The following GLI2 variants were observed in gnomAD, a reference collection of about 807,000 sequenced individuals.
GLI2 encodes GLI family zinc finger 2, also known as transcription activator GLI2.
In GLI2, 22 loss-of-function variants were observed where a neutral mutation model predicts 78.9. The ratio of observed to expected loss-of-function variants is 0.28; its 90% confidence interval spans 0.20 to 0.40. The LOEUF is 0.40. Among genes scored for constraint, GLI2 ranks in the 10% least tolerant of loss-of-function variants. The pLI, the probability that GLI2 is intolerant of heterozygous loss-of-function variation, is 1.00. For missense variants in GLI2, 2,097 were observed against 2,213.2 expected, an observed-to-expected ratio of 0.95 and a Z score of 1.05; for synonymous variants, 974 against 963.7, an observed-to-expected ratio of 1.01 and a Z score of -0.20.
intron 2 of GLI2, among the ~76,000 whole-genome samples, chr2:120,925,534 A>G (rs1310472656): frequency 6.6e-6 from 1 of 152,252 alleles, no homozygotes; most frequent in Non-Finnish European, 1.5e-5. Context: ...CCTTGAGGAC[A>G]TTATGCGAAG....
At chr2:120,780,401 C>T (rs1344729100) in intron 1 of GLI2, among the ~76,000 whole-genome samples, 1 of 152,136 alleles carries the variant, frequency 6.6e-6, no homozygotes, top group Non-Finnish European at 1.5e-5. Context: ...GGACCCTTGC[C>T]CAGTGTGAAA....
intron 1 of GLI2, among the ~76,000 whole-genome samples, chr2:120,755,264 C>G (rs770666428): frequency 3.3e-5 from 5 of 152,166 alleles, no homozygotes; most frequent in Non-Finnish European, 7.3e-5. Context: ...GTAATACTTG[C>G]AATAGTTAGT....
rs529721612 is a variant in GLI2 at position 120,821,847 on chromosome 2, G to T, written c.148+24379G>T. Among the ~76,000 whole-genome samples the T allele has an allele frequency of 4.6e-5, 7 of 152,204 alleles. No individual in the cohort carries two copies. The South Asian group carries it at 1.4e-3, about 32-fold the overall frequency. On this transcript the variant is annotated intron_variant, in intron 2 of 13. Transcript: ENST00000361492. ...GCTCTTCACCAGGGCCGCCCAGCTG[G>T]ATGGCAGTGGGGTGGGTCACACCGA...
chr2:120,809,426 G>C (rs1193618336), intron 2 of GLI2, among the ~76,000 whole-genome samples: 2 of 152,218 alleles, frequency 1.3e-5, no homozygotes, highest in African/African-American at 4.8e-5. Context: ...AAAATGTTCT[G>C]TAATTAGATA....
intron 2 of GLI2, among the ~76,000 whole-genome samples, chr2:120,923,389 C>G (rs927584855): frequency 6.6e-6 from 1 of 152,094 alleles, no homozygotes; most frequent in African/African-American, 2.4e-5. Flanking sequence ...CACAGCAACA[C>G]ATGCATACAA....
chr2:120,881,252 TA>T (rs1481565495), intron 2 of GLI2, among the ~76,000 whole-genome samples: 2 of 152,344 alleles, frequency 1.3e-5, no homozygotes, highest in East Asian at 3.9e-4. Flanking sequence ...ACACCATGCC[TA>T]GAAGCACTGA....
chr2:120,906,131 A>G (rs1287758788), intron 2 of GLI2, among the ~76,000 whole-genome samples: 1 of 152,186 alleles, frequency 6.6e-6, no homozygotes, highest in African/African-American at 2.4e-5. Context: ...GGTCTCAGGC[A>G]GCACGGTGCG....
chr2:120,901,322 T>C (rs1042325141), intron 2 of GLI2, among the ~76,000 whole-genome samples: 2 of 152,164 alleles, frequency 1.3e-5, no homozygotes, highest in Non-Finnish European at 2.9e-5. Context: ...CAGGATACAA[T>C]TGGGTTCTTA....
intron 2 of GLI2, among the ~76,000 whole-genome samples, chr2:120,818,391 T>A (rs545179170): frequency 6.6e-6 from 1 of 152,200 alleles, no homozygotes; most frequent in Non-Finnish European, 1.5e-5. Flanking sequence ...GAGACAGAGA[T>A]AAATGGTGTG....
chr2:120,865,486 A>G (rs190749686), intron 2 of GLI2, among the ~76,000 whole-genome samples: 16 of 152,274 alleles, frequency 1.1e-4, no homozygotes, highest in African/African-American at 3.8e-4. Context: ...GAGGCTGAGG[A>G]AAAGTTTGGT....
intron 1 of GLI2, among the ~76,000 whole-genome samples, chr2:120,752,797 G>A (rs1339585706): frequency 1.3e-5 from 2 of 151,882 alleles, no homozygotes; most frequent in East Asian, 3.9e-4. Context: ...TTACTTTTTT[G>A]TACACAAATG....
chr2:120,922,149 G>C (rs1302577129), intron 2 of GLI2, among the ~76,000 whole-genome samples: 1 of 152,208 alleles, frequency 6.6e-6, no homozygotes, highest in Non-Finnish European at 1.5e-5. Context: ...GCCTAGAACA[G>C]TGCCTGCCAC....
chr2:120,977,393 G>A (rs1682504434), intron 9 of GLI2, among the ~76,000 whole-genome samples: 1 of 152,212 alleles, frequency 6.6e-6, no homozygotes, highest in Non-Finnish European at 1.5e-5. Context: ...TTGAGATATT[G>A]TATATTCTTT....
At chr2:120,905,553 T>C (rs1029642040) in intron 2 of GLI2, among the ~76,000 whole-genome samples, 2 of 152,196 alleles carry the variant, frequency 1.3e-5, no homozygotes, top group Non-Finnish European at 2.9e-5. Flanking sequence ...GCCCTCCTCC[T>C]TTCCAGACGC....
chr2:120,821,292 G>A (rs1685762680), intron 2 of GLI2, among the ~76,000 whole-genome samples: 4 of 152,158 alleles, frequency 2.6e-5, no homozygotes, highest in African/African-American at 7.2e-5. Flanking sequence ...CCTGGTGTGC[G>A]ATCTGTTTTC....
chr2:120,742,287 A>G (rs1407435164), intron 1 of GLI2, among the ~76,000 whole-genome samples: 1 of 152,158 alleles, frequency 6.6e-6, no homozygotes, highest in African/African-American at 2.4e-5. Flanking sequence ...GCTCAGAAAA[A>G]AGATCTTTGA....
intron 5 of GLI2, among the ~76,000 whole-genome samples, chr2:120,964,536 G>A (rs541371185): frequency 2.0e-5 from 3 of 152,158 alleles, no homozygotes; most frequent in Non-Finnish European, 4.4e-5. Context: ...TTTGAGAGGC[G>A]TTCACGAGCC....
At chr2:120,915,878 G>A (rs1573593517) in intron 2 of GLI2, among the ~76,000 whole-genome samples, 1 of 152,146 alleles carries the variant, frequency 6.6e-6, no homozygotes, top group East Asian at 1.9e-4. Context: ...AGAAGCACTG[G>A]TAAATGGTCA....
chr2:120,974,632 T>C (rs529431559), intron 8 of GLI2, among the ~76,000 whole-genome samples: 19 of 152,338 alleles, frequency 1.2e-4, no homozygotes, highest in African/African-American at 4.6e-4. Flanking sequence ...GCGTTAGGGC[T>C]GTGGCAGGGA....
Sources: allele counts gnomAD v4.1 joint callset (sites outside exome capture counted in the v4.1 genomes callset), GRCh38; gene constraint gnomAD v4.1.1; transcripts MANE v1.5; gene names NCBI Gene and HGNC (gene_info 2026-07-23, HGNC 2026-07-21).